The following GRIK4 variants were observed in gnomAD, a reference collection of about 807,000 sequenced individuals.
The protein encoded by GRIK4 is glutamate ionotropic receptor kainate type subunit 4.
Under a neutral mutation model 104.9 loss-of-function variants are expected in GRIK4, and 40 were observed. The ratio of observed to expected loss-of-function variants is 0.38; its 90% CI spans 0.30 to 0.50. The LOEUF is 0.50. GRIK4 is among the 20% of genes least tolerant of loss of function. GRIK4 has a pLI of 0.93. For synonymous variants in GRIK4, 485 were observed against 524.9 expected, an observed-to-expected ratio of 0.92 and a Z score of 1.04; for missense variants, 1,047 against 1,308.1, an observed-to-expected ratio of 0.80 and a Z score of 3.08.
At chr11:120,572,284 C>T (rs1001827093) in intron 1 of GRIK4, among the ~76,000 whole-genome samples, 6 of 152,178 alleles carry the variant, frequency 3.9e-5, no homozygotes, top group Admixed American at 1.3e-4. Context: ...AGACGTTCAA[C>T]ACCGGAATTT....
intron 1 of GRIK4, among the ~76,000 whole-genome samples, chr11:120,609,377 C>G (rs1356773006): frequency 6.6e-6 from 1 of 151,438 alleles, no homozygotes; most frequent in Non-Finnish European, 1.5e-5. Flanking sequence ...CTCAGCCTCC[C>G]AAGTAGCTGG....
chr11:120,917,855 A>G (rs1048102620), intron 13 of GRIK4, among the ~76,000 whole-genome samples: 1 of 152,212 alleles, frequency 6.6e-6, no homozygotes, highest in African/African-American at 2.4e-5. Flanking sequence ...TTCCCCACTG[A>G]GCGCCAGCTG....
At chr11:120,882,220 G>A (rs111433367) in intron 11 of GRIK4, among the ~76,000 whole-genome samples, 183 of 152,238 alleles carry the variant, frequency 1.2e-3, no homozygotes, top group African/African-American at 4.1e-3. Context: ...GGGCTATTAA[G>A]GCTCAGACAG....
intron 3 of GRIK4, among the ~76,000 whole-genome samples, chr11:120,775,606 T>C (rs781099809): frequency 3.3e-5 from 5 of 152,268 alleles, no homozygotes; most frequent in Non-Finnish European, 5.9e-5. Context: ...TACAGTGTAC[T>C]GATTAGGATG....
chr11:120,955,381 G>A (rs1016151380), intron 15 of GRIK4, among the ~76,000 whole-genome samples: 5 of 152,250 alleles, frequency 3.3e-5, no homozygotes, highest in Non-Finnish European at 5.9e-5. Flanking sequence ...GGGAGGCAGC[G>A]ACAGTGGGAA....
chr11:120,900,191 A>G (rs1051055294), intron 12 of GRIK4, among the ~76,000 whole-genome samples: 1 of 152,170 alleles, frequency 6.6e-6, no homozygotes, highest in Non-Finnish European at 1.5e-5. Context: ...GGAGAGGTCA[A>G]TGAAGGAGGG....
chr11:120,530,658 G>A (rs1304027905), intron 1 of GRIK4, among the ~76,000 whole-genome samples: 1 of 152,196 alleles, frequency 6.6e-6, no homozygotes, highest in Non-Finnish European at 1.5e-5. Flanking sequence ...CGACAACCGC[G>A]TTACAGGGCG....
intron 3 of GRIK4, among the ~76,000 whole-genome samples, chr11:120,748,395 G>A (rs568770378): frequency 2.0e-4 from 30 of 151,984 alleles, no homozygotes; most frequent in East Asian, 7.8e-4. Context: ...CTTGATGTAC[G>A]CAGGCCCCAT....
In GRIK4 at chr11:120,967,522, C is replaced by T. The variant is rs778561543; in HGVS notation, c.2395+199C>T. Reference sequence around the variant, plus strand: ...GTATCGCAGGCACCCAGTGTCCACCCGGCTCCCAAGTCCTAGAGGCTCTGC... The same window carrying T: ...GTATCGCAGGCACCCAGTGTCCACCTGGCTCCCAAGTCCTAGAGGCTCTGC... On this transcript the variant is annotated intron_variant, in intron 19 of 20. Transcript: ENST00000527524. This position sits in a 1 kb window ranked among gnomAD's most constrained non-coding sequence, Gnocchi z 4.2. Among the ~76,000 whole-genome samples, 3 of 152,136 alleles carry T rather than the reference C, an allele frequency of 2.0e-5. No homozygotes were observed. The highest frequency in any genetic ancestry group is 4.8e-5 in the African/African-American group (2 of 41,428).
At chr11:120,879,742 T>C (rs1415620638) in intron 11 of GRIK4, among the ~76,000 whole-genome samples, 2 of 152,186 alleles carry the variant, frequency 1.3e-5, no homozygotes, top group African/African-American at 2.4e-5. Flanking sequence ...GTTGACAGTA[T>C]TGTTTCAGCT....
At chr11:120,833,939 A>G (rs1020921440) in intron 7 of GRIK4, among the ~76,000 whole-genome samples, 8 of 152,168 alleles carry the variant, frequency 5.3e-5, no homozygotes, top group South Asian at 4.1e-4. Flanking sequence ...CTCATTTCCT[A>G]TCATACAGAG....
chr11:120,658,727 C>CTT lies in GRIK4; in HGVS notation c.-50-1504_-50-1503dup, dbSNP rs71050753. Among the ~76,000 whole-genome samples the CTT allele has an allele frequency of 2.1e-4, 12 of 56,742 alleles. 3 individuals carry two copies. Among genetic ancestry groups the CTT allele is most frequent in the African/African-American group, 4.7e-4 (10 of 21,068 alleles). The allele number at this position is 56,742 out of a possible 152,430, so 37.2% of individuals were successfully genotyped here. A position where few individuals can be genotyped will look rare whatever the true frequency, so the allele number is the denominator to read the frequency against. ...TCTGTCTAGGGGTTGGAGGACGAAA[C>CTT]TTTTTTTTTTTTTTTTTTTTTTTTT... is the stretch of plus-strand genomic sequence containing the variant. On this transcript the variant is annotated intron_variant, in intron 2 of 20. Transcript: ENST00000527524.
intron 3 of GRIK4, among the ~76,000 whole-genome samples, chr11:120,669,955 T>G (rs1949987041): frequency 6.6e-6 from 1 of 152,256 alleles, no homozygotes; most frequent in African/African-American, 2.4e-5. Flanking sequence ...AGATTTGCCA[T>G]GTCCAAAATC....
At chr11:120,978,512 A>T (rs1430843885) in intron 19 of GRIK4, among the ~76,000 whole-genome samples, 1 of 152,184 alleles carries the variant, frequency 6.6e-6, no homozygotes, top group Non-Finnish European at 1.5e-5. Flanking sequence ...CTGTTACTTG[A>T]GGATGTGTCA....
chr11:120,680,687 T>C (rs1230555654), intron 3 of GRIK4, among the ~76,000 whole-genome samples: 1 of 152,140 alleles, frequency 6.6e-6, no homozygotes, highest in African/African-American at 2.4e-5. Flanking sequence ...AATGGGGACA[T>C]CAGGGCAGGA....
chr11:120,908,654 A>G (rs1489686140), intron 13 of GRIK4, among the ~76,000 whole-genome samples: 3 of 152,178 alleles, frequency 2.0e-5, no homozygotes, highest in Non-Finnish European at 2.9e-5. Context: ...GCTGCTGGTC[A>G]TAGCTTTGTA....
chr11:120,886,091 G>C (rs1955112533), intron 11 of GRIK4, among the ~76,000 whole-genome samples: 1 of 152,174 alleles, frequency 6.6e-6, no homozygotes, highest in South Asian at 2.1e-4. Context: ...TGGATTCCAT[G>C]TTTGCAAATT....
chr11:120,957,739 T>G (rs1196574521), intron 16 of GRIK4, among the ~76,000 whole-genome samples: 1 of 152,058 alleles, frequency 6.6e-6, no homozygotes, highest in African/African-American at 2.4e-5. Context: ...TCTCCCTTCC[T>G]TCTCAGCCTG....
At chr11:120,656,441 C>T (rs2135230459) in intron 2 of GRIK4, among the ~76,000 whole-genome samples, 1 of 152,318 alleles carries the variant, frequency 6.6e-6, no homozygotes, top group East Asian at 1.9e-4. Flanking sequence ...GCCTTACAGA[C>T]ATGCAACATG....
Sources: allele counts gnomAD v4.1 joint callset (sites outside exome capture counted in the v4.1 genomes callset), GRCh38; gene constraint gnomAD v4.1.1; non-coding constraint Gnocchi (gnomAD v3.1); transcripts MANE v1.5; gene names NCBI Gene and HGNC (gene_info 2026-07-23, HGNC 2026-07-21).